The following TNFRSF13B variants were observed in gnomAD, a reference collection of about 807,000 sequenced individuals.
The protein encoded by TNFRSF13B is tumor necrosis factor receptor superfamily member 13B.
A neutral mutation model predicts 24.0 loss-of-function variants in TNFRSF13B; 34 were observed. That is an observed-to-expected ratio of 1.41 (90% CI 1.08 to 1.88). The LOEUF (loss-of-function observed/expected upper bound fraction) is 1.88. Among genes scored for constraint, TNFRSF13B ranks in the 40% most tolerant of loss-of-function variants. The pLI is 0.00. For missense variants in TNFRSF13B, 415 were observed against 380.8 expected, an observed-to-expected ratio of 1.09 and a Z score of -0.75; for synonymous variants, 173 against 150.3, an observed-to-expected ratio of 1.15 and a Z score of -1.10.
intron 3 of TNFRSF13B, among the ~76,000 whole-genome samples, chr17:16,943,897 C>T (rs896959119): frequency 6.6e-6 from 1 of 152,022 alleles, no homozygotes; most frequent in African/African-American, 2.4e-5. Context: ...GCACCTGCCC[C>T]GGAGCCCGGG....
intron 1 of TNFRSF13B, among the ~76,000 whole-genome samples, chr17:16,962,528 A>T (rs1175525003): frequency 6.7e-6 from 1 of 149,108 alleles, no homozygotes; most frequent in African/African-American, 2.5e-5. Flanking sequence ...AAAAAGAAAG[A>T]AAAAAAAAAG....
chr17:16,941,429 T>G, intron 3 of TNFRSF13B: 2 of 987,640 alleles, frequency 2.0e-6, no homozygotes, highest in East Asian at 2.3e-4. Flanking sequence ...GAAGTTCTCC[T>G]TATCCCAAAA....
chr17:16,967,684 G>A (rs575263533), intron 1 of TNFRSF13B, among the ~76,000 whole-genome samples: 11 of 148,976 alleles, frequency 7.4e-5, no homozygotes, highest in African/African-American at 2.0e-4. Context: ...CCCAGGAGGC[G>A]GGGCTTGCAG....
intron 1 of TNFRSF13B, among the ~76,000 whole-genome samples, chr17:16,962,601 T>G (rs1370783859): frequency 6.6e-6 from 1 of 152,220 alleles, no homozygotes; most frequent in African/African-American, 2.4e-5. Context: ...ATATTTATAT[T>G]GTCATAAATA....
Position 16,948,945 on chromosome 17 carries a change from C to A in TNFRSF13B, c.238G>T (p.Asp80Tyr). 6.2e-7 allele frequency: 1 copy of A among 1,614,138 alleles called. No homozygotes were observed. Among genetic ancestry groups the A allele is most frequent in the South Asian group, 1.1e-5 (1 of 91,040 alleles). Residue 80 changes from aspartate to tyrosine, a missense_variant, in exon 3 of 5, where the codon GAC (aspartate) becomes TAC (tyrosine). Coordinates refer to ENST00000261652, the MANE Select transcript of TNFRSF13B (RefSeq NM_012452.3). ...SCRKEQGKFYDHLLRDCISCA... is the reference protein window; with the variant it reads ...SCRKEQGKFYYHLLRDCISCA... Reference sequence around the variant, plus strand: ...CTGATGCAGTCCCTCAGGAGATGGTCATAGAACTTGCCTTGCTCCTTGCGG... The same window carrying A: ...CTGATGCAGTCCCTCAGGAGATGGTAATAGAACTTGCCTTGCTCCTTGCGG...
intron 1 of TNFRSF13B, among the ~76,000 whole-genome samples, chr17:16,955,489 T>C (rs1376387910): frequency 6.6e-6 from 1 of 152,182 alleles, no homozygotes; most frequent in Non-Finnish European, 1.5e-5. Flanking sequence ...GAAGATGTAA[T>C]CGAATAAATT....
intron 1 of TNFRSF13B, among the ~76,000 whole-genome samples, chr17:16,960,694 G>A (rs1287958318): frequency 6.6e-6 from 1 of 152,156 alleles, no homozygotes; most frequent in Admixed American, 6.5e-5. Flanking sequence ...ATTTGACAAT[G>A]ATATCTTGGA....
intron 2 of TNFRSF13B, among the ~76,000 whole-genome samples, chr17:16,949,888 G>A (rs879055767): frequency 6.6e-6 from 1 of 151,988 alleles, no homozygotes. Flanking sequence ...CTTTCGCCGT[G>A]TTGGCCAGGC....
intron 1 of TNFRSF13B, among the ~76,000 whole-genome samples, chr17:16,961,285 C>T (rs1294614155): frequency 6.6e-6 from 1 of 152,196 alleles, no homozygotes; most frequent in Non-Finnish European, 1.5e-5. Flanking sequence ...TGAACAGATA[C>T]TTGTGCCCCA....
chr17:16,972,039 T>C lies in TNFRSF13B; in HGVS notation c.37A>G (p.Ser13Gly), dbSNP rs1452918381. ...CAGCGCTCCTCCTGGTCCACACGGC[T>C]CCGGCCACCTCGCCTGCTCCGGCCC... ...GLGRSRRGGR[S>G]RVDQEERFPQ... The change falls in exon 1 of 5, where the codon AGC becomes GGC. Residue 13 changes from serine to glycine, a missense_variant. Ser to Gly is a moderately conservative substitution (Grantham distance 56). Coordinates refer to ENST00000261652, the MANE Select transcript of TNFRSF13B (RefSeq NM_012452.3). The C allele has an allele frequency of 3.7e-6, 6 of 1,614,106 alleles. No individual in the cohort carries two copies. The highest frequency in any genetic ancestry group is 3.4e-6 in the Non-Finnish European group (4 of 1,180,024).
intron 1 of TNFRSF13B, among the ~76,000 whole-genome samples, chr17:16,967,447 A>G (rs185087572): frequency 7.2e-5 from 11 of 152,274 alleles, no homozygotes; most frequent in Admixed American, 4.6e-4. Context: ...TATACATTAA[A>G]AAATTGTGTT....
intron 3 of TNFRSF13B, among the ~76,000 whole-genome samples, chr17:16,943,724 T>C (rs2087527523): frequency 6.6e-6 from 1 of 152,166 alleles, no homozygotes; most frequent in Non-Finnish European, 1.5e-5. Flanking sequence ...TGCCCCTGAA[T>C]CCTTGCTCTT....
intron 1 of TNFRSF13B, among the ~76,000 whole-genome samples, chr17:16,969,597 T>G (rs2087729690): frequency 6.6e-6 from 1 of 152,198 alleles, no homozygotes; most frequent in Admixed American, 6.5e-5. Context: ...CAAAATTAGC[T>G]TATGGTGATG....
chr17:16,952,545 A>G lies in TNFRSF13B; in HGVS notation c.100T>C (p.Cys34Arg). The G allele has an allele frequency of 6.2e-7, 1 of 1,614,222 alleles. No homozygotes were observed. The highest frequency in any genetic ancestry group is 8.5e-7 in the Non-Finnish European group (1 of 1,180,026). ...GLWTGVAMRS[C>R]PEEQYWDPLL... ...GGATCCCAGTACTGCTCTTCGGGGC[A>G]GGATCTCATAGCCACCCCCGTCCAC... Residue 34 changes from cysteine to arginine, a missense_variant, in exon 2 of 5, where the codon TGC becomes CGC. Cys to Arg is a radical substitution (Grantham distance 180). Coordinates refer to ENST00000261652, the MANE Select transcript of TNFRSF13B (RefSeq NM_012452.3).
At chr17:16,960,714 A>G (rs2087656588) in intron 1 of TNFRSF13B, among the ~76,000 whole-genome samples, 1 of 152,220 alleles carries the variant, frequency 6.6e-6, no homozygotes, top group African/African-American at 2.4e-5. Context: ...ATACAGCACC[A>G]AAGGCATAGG....
chr17:16,942,378 C>T (rs2087517377), intron 3 of TNFRSF13B, among the ~76,000 whole-genome samples: 1 of 152,180 alleles, frequency 6.6e-6, no homozygotes, highest in African/African-American at 2.4e-5. Flanking sequence ...ATTCAGGAAT[C>T]TCATAAAGTG....
chr17:16,960,172 G>A (rs536807495), intron 1 of TNFRSF13B, among the ~76,000 whole-genome samples: 8 of 152,218 alleles, frequency 5.3e-5, no homozygotes, highest in African/African-American at 1.9e-4. Flanking sequence ...CTTCTCAATT[G>A]ATGCAGAAAA....
At position 16,946,774 on chromosome 17, in the gene TNFRSF13B, G is replaced by T. The variant is rs570299388; in HGVS notation, c.445+1964C>A. On this transcript the variant is annotated intron_variant, in intron 3 of 4. Transcript: ENST00000261652. Reference sequence around the variant, plus strand: ...AGCTAATTTTTGTATTTTTGGTAGAGATGGGGTTTCCCCTTGTTGATCCGG... The same window carrying T: ...AGCTAATTTTTGTATTTTTGGTAGATATGGGGTTTCCCCTTGTTGATCCGG... 5.9e-5 allele frequency among the ~76,000 whole-genome samples: 9 copies of T among 152,088 alleles called. No homozygotes were observed. In the East Asian group the frequency reaches 1.5e-3, roughly 26 times the overall value.
Position 16,948,756 on chromosome 17 carries a change from C to G in TNFRSF13B, c.427G>C (p.Gly143Arg). 1 of 1,614,136 alleles carries G rather than the reference C, an allele frequency of 6.2e-7. No homozygotes were observed. Among genetic ancestry groups the G allele is most frequent in the South Asian group, 1.1e-5 (1 of 91,084 alleles). Residue 143 changes from glycine to arginine, a missense_variant, in exon 3 of 5, where the codon GGC becomes CGC. Gly to Arg is a moderately radical substitution (Grantham distance 125). Transcript: ENST00000261652. The stretch of plus-strand genomic sequence containing the variant: ...GGCTTACCTGGACTTGCTTCTGAGC[C>G]TCTGTGCTCCAATCCTTGGTACCTT... ...SGRYQGLEHRGSEASPALPGL... is the reference protein window; with the variant it reads ...SGRYQGLEHRRSEASPALPGL...
Sources: gnomAD v4.1 joint callset for allele counts (sites outside exome capture counted in the v4.1 genomes callset) on GRCh38, gnomAD v4.1.1 for gene constraint, MANE v1.5 for transcripts, NCBI Gene and HGNC (gene_info 2026-07-23, HGNC 2026-07-21) for gene names.